Variants in SYNE1 observed in about 807,000 individuals in gnomAD.
The protein encoded by SYNE1 is nesprin-1.
Under a neutral mutation model 1,111.0 loss-of-function variants are expected in SYNE1, and 616 were observed. The ratio of observed to expected loss-of-function variants is 0.55; its 90% CI spans 0.52 to 0.59. The LOEUF is 0.59. Ranked by LOEUF, SYNE1 falls within the 20% of genes least tolerant of loss-of-function variation. The pLI, the probability that SYNE1 is intolerant of heterozygous loss-of-function variation, is 0.00. For synonymous variants in SYNE1, 3,855 were observed against 3,825.8 expected (o/e 1.01, Z -0.28); for missense variants, 10,006 against 10,417.0 (o/e 0.96, Z 1.72).
chr6:152,364,699 AGG>A, intron 63 of SYNE1, 146 bp downstream of exon 63: 1 of 744,852 alleles, frequency 1.3e-6, no homozygotes, highest in South Asian at 1.5e-5. Flanking sequence ...GAAGGAAGGA[AGG>A]AAGGAAGGAA....
At chr6:152,174,755 C>G (rs1303373471) in intron 130 of SYNE1, among the ~76,000 whole-genome samples, 1 of 152,174 alleles carries the variant, frequency 6.6e-6, no homozygotes, top group East Asian at 1.9e-4. Context: ...GCCCCTGTAT[C>G]TGTAAAATGG....
At chr6:152,489,457 CTT>C (rs3076635) in intron 11 of SYNE1, among the ~76,000 whole-genome samples, 7 of 112,292 alleles carry the variant, frequency 6.2e-5, no homozygotes, top group African/African-American at 2.0e-4. Context: ...CTTGGTGTGT[CTT>C]TTTTTTTTTT....
In SYNE1 at chr6:152,122,343, C is replaced by T. The variant is rs932346765; in HGVS notation, c.*93G>A. 5.3e-5 allele frequency: 85 copies of T among 1,607,948 alleles called. No individual in the cohort carries two copies. The African/African-American group carries it at 1.1e-3, about 20-fold the overall frequency. The stretch of plus-strand genomic sequence containing the variant: ...AAGCTGCCACACCGAGGGCTTTCGC[C>T]AAGATCAAGGTCCTCTTGTTGGTAG... On this transcript the variant is annotated 3_prime_UTR_variant, in exon 146 of 146. Coordinates refer to ENST00000367255, the MANE Select transcript of SYNE1 (RefSeq NM_182961.4).
chr6:152,453,857 G>A (rs896696543), intron 24 of SYNE1, 137 bp from the exon 25 acceptor site: 16 of 1,001,614 alleles, frequency 1.6e-5, no homozygotes, highest in Non-Finnish European at 2.3e-5. Flanking sequence ...ACCCACTATT[G>A]TTTTTTAAGG....
chr6:152,243,044 A>T (rs1030222101), intron 106 of SYNE1, among the ~76,000 whole-genome samples: 1 of 152,224 alleles, frequency 6.6e-6, no homozygotes, highest in Non-Finnish European at 1.5e-5. Context: ...ATTTTAAAGG[A>T]CATGTAAAAG....
intron 56 of SYNE1, 33 bp from the exon 57 acceptor site, chr6:152,376,945 A>C: frequency 6.2e-7 from 1 of 1,611,794 alleles, no homozygotes; most frequent in Non-Finnish European, 8.5e-7. Context: ...AGAAGCGAGC[A>C]CTTACATTGG....
At chr6:152,329,564 G>A (rs1332795954) in intron 78 of SYNE1, among the ~76,000 whole-genome samples, 166 bp downstream of exon 78, 5 of 152,102 alleles carry the variant, frequency 3.3e-5, no homozygotes, top group Admixed American at 6.5e-5. Flanking sequence ...AAAACAAAAC[G>A]AAAAACAATT....
intron 39 of SYNE1, among the ~76,000 whole-genome samples, chr6:152,422,392 T>G (rs1231580290): frequency 6.6e-6 from 1 of 152,250 alleles, no homozygotes. Context: ...TTCTCAGGAC[T>G]AAGAGACTGA....
chr6:152,384,920 T>C (rs2097500996), intron 55 of SYNE1, among the ~76,000 whole-genome samples: 1 of 152,070 alleles, frequency 6.6e-6, no homozygotes. Flanking sequence ...TGGTTACAAT[T>C]GTAACCATCA....
rs74320759 is a variant in SYNE1, at chr6:152,340,727, T to C, written c.12226-1361A>G. On this transcript the variant is annotated intron_variant, in intron 74 of 145. Coordinates refer to ENST00000367255, the MANE Select transcript of SYNE1 (RefSeq NM_182961.4). ...AAGCCGTGGTAAGAAAGTTGGAATT[T>C]AAGTGTGATGGGAAAATATCGGGAG... Among the ~76,000 whole-genome samples the C allele has an allele frequency of 1.1e-3, 175 of 152,300 alleles. 2 individuals are homozygous for C. Among genetic ancestry groups the C allele is most frequent in the Non-Finnish European group, 2.1e-3 (144 of 68,026 alleles).
In SYNE1 at chr6:152,385,707, T is replaced by C; in HGVS notation, c.8619A>G (p.Ser2873=). The change falls in exon 55 of 146, where the codon TCA becomes TCG. Residue 2873 remains serine (S), a synonymous_variant. Coordinates refer to ENST00000367255, the MANE Select transcript of SYNE1 (RefSeq NM_182961.4). The part of the protein sequence containing the change: ...LHRWSDMSGD[S]SATQKKLSKI... ...TTGATAACTTTTTCTGGGTGGCTGATGAATCTCCAGACATATCTGACCACC... is the reference window on the plus strand; with the variant it reads ...TTGATAACTTTTTCTGGGTGGCTGACGAATCTCCAGACATATCTGACCACC... 6.2e-7 allele frequency: 1 copy of C among 1,614,172 alleles called. No individual in the cohort carries two copies. Among genetic ancestry groups the C allele is most frequent in the Non-Finnish European group, 8.5e-7 (1 of 1,180,002 alleles).
chr6:152,612,765 C>T (rs755618281), intron 3 of SYNE1, among the ~76,000 whole-genome samples: 2 of 152,060 alleles, frequency 1.3e-5, no homozygotes, highest in Non-Finnish European at 2.9e-5. Flanking sequence ...ACTGGCAAAC[C>T]GAATCCAGCA....
chr6:152,330,852 T>C lies in SYNE1; in HGVS notation c.13833A>G (p.Gln4611=). ...QLAKYQNILE[Q]SPEYENLLLT... ...GTAGAAGATTTTCATATTCTGGAGA[T>C]TGTTCAAGAATGTTTTGGTATTTAG... Residue 4611 remains glutamine, a synonymous_variant, in exon 78 of 146, where the codon CAA becomes CAG. Coordinates refer to ENST00000367255, the MANE Select transcript of SYNE1 (RefSeq NM_182961.4). 2 of 1,614,160 alleles carry C rather than the reference T, an allele frequency of 1.2e-6. No homozygotes were observed. The highest frequency in any genetic ancestry group is 1.7e-6 in the Non-Finnish European group (2 of 1,180,030).
chr6:152,220,095 T>C (rs1363307698), intron 119 of SYNE1, among the ~76,000 whole-genome samples: 1 of 152,236 alleles, frequency 6.6e-6, no homozygotes, highest in Non-Finnish European at 1.5e-5. Flanking sequence ...ATTATCTTTA[T>C]TTTAAAATAC....
Position 152,509,447 on chromosome 6 carries a change from G to A in SYNE1, c.581+746C>T, listed in dbSNP as rs111401450. On this transcript the variant is annotated intron_variant, in intron 8 of 145. Transcript: ENST00000367255. ...AATTTTTGTACTTTTAGTAGAGATG[G>A]GGTTTCACCAGATTGGCCAGGCTGG... is the stretch of plus-strand genomic sequence containing the variant. 1.1e-3 allele frequency among the ~76,000 whole-genome samples: 163 copies of A among 151,864 alleles called. 1 individual carries two copies. The highest frequency in any genetic ancestry group is 3.7e-3 in the African/African-American group (155 of 41,456).
intron 84 of SYNE1, 104 bp downstream of exon 84, chr6:152,321,132 ACT>A (rs2095860974): frequency 7.6e-7 from 1 of 1,313,952 alleles, no homozygotes; most frequent in Non-Finnish European, 1.0e-6. Flanking sequence ...ATTTTTTTTA[ACT>A]CTGTCTCCAA....
intron 3 of SYNE1, among the ~76,000 whole-genome samples, chr6:152,595,472 A>G (rs908887108): frequency 6.6e-5 from 10 of 152,206 alleles, no homozygotes; most frequent in Non-Finnish European, 2.9e-5. Context: ...CTCAGATGCA[A>G]CATCAACTCG....
chr6:152,276,030 CTTTTTTTTTTT>C (rs749642435), intron 98 of SYNE1, among the ~76,000 whole-genome samples: 3 of 84,016 alleles, frequency 3.6e-5, no homozygotes, highest in Non-Finnish European at 6.8e-5. Context: ...TTCTCGACTT[CTTTTTTTTTTT>C]TTTTTTTTTT....
At chr6:152,234,558 T>A (rs1295555929) in intron 111 of SYNE1, 110 bp downstream of exon 111, 9 of 1,293,138 alleles carry the variant, frequency 7.0e-6, no homozygotes, top group Non-Finnish European at 1.0e-5. Flanking sequence ...TCCCAAAGTG[T>A]GGGATTACAG....
Sources: allele counts gnomAD v4.1 joint callset (sites outside exome capture counted in the v4.1 genomes callset), GRCh38; gene constraint gnomAD v4.1.1; transcripts MANE v1.5; gene names NCBI Gene and HGNC (gene_info 2026-07-23, HGNC 2026-07-21).